The following PCDH9 variants were observed in gnomAD, a reference collection of about 807,000 sequenced individuals.
The protein encoded by PCDH9 is protocadherin 9.
PCDH9 carries 24 observed loss-of-function variants against 70.6 expected under a neutral mutation model. The ratio of observed to expected loss-of-function variants is 0.34; its 90% CI spans 0.25 to 0.48. The LOEUF (loss-of-function observed/expected upper bound fraction) is 0.48, where lower values mean the gene tolerates loss of function less well. Among genes scored for constraint, PCDH9 ranks in the 20% least tolerant of loss-of-function variants. The pLI, the probability that PCDH9 is intolerant of heterozygous loss-of-function variation, is 0.99. For missense variants in PCDH9, 1,281 were observed against 1,503.6 expected, an observed-to-expected ratio of 0.85 and a Z score of 2.45; for synonymous variants, 562 against 558.5, an observed-to-expected ratio of 1.01 and a Z score of -0.09.
At chr13:66,555,926 TAA>T (rs1224616438) in intron 4 of PCDH9, among the ~76,000 whole-genome samples, 1 of 148,184 alleles carries the variant, frequency 6.7e-6, no homozygotes, top group Non-Finnish European at 1.5e-5. Context: ...ATTATATACA[TAA>T]GATATATACA....
At chr13:67,041,199 C>T (rs772715788) in intron 2 of PCDH9, among the ~76,000 whole-genome samples, 1 of 152,050 alleles carries the variant, frequency 6.6e-6, no homozygotes, top group Non-Finnish European at 1.5e-5. Context: ...TGATTTGCAT[C>T]CCAGGAGAGA....
intron 2 of PCDH9, among the ~76,000 whole-genome samples, chr13:67,002,334 TA>T (rs1343664496): frequency 6.6e-6 from 1 of 152,058 alleles, no homozygotes; most frequent in Non-Finnish European, 1.5e-5. Flanking sequence ...AACTCAAATT[TA>T]AAAATGGATA....
chr13:67,135,575 C>T (rs1420038598), intron 2 of PCDH9, among the ~76,000 whole-genome samples: 3 of 151,924 alleles, frequency 2.0e-5, no homozygotes, highest in Admixed American at 6.6e-5. Flanking sequence ...GGTAATTTCA[C>T]GGTAAGAACA....
intron 4 of PCDH9, among the ~76,000 whole-genome samples, chr13:66,451,316 A>G (rs1958204090): frequency 2.0e-5 from 3 of 152,178 alleles, no homozygotes; most frequent in East Asian, 1.9e-4. Flanking sequence ...TTAGAGAATT[A>G]CCTCTACAGA....
At chr13:66,886,416 T>G (rs2082005500) in intron 3 of PCDH9, among the ~76,000 whole-genome samples, 1 of 152,138 alleles carries the variant, frequency 6.6e-6, no homozygotes, top group African/African-American at 2.4e-5. Flanking sequence ...TGTTCCTCAG[T>G]GTCTGCAGCT....
At chr13:66,760,528 G>A (rs947054110) in intron 3 of PCDH9, among the ~76,000 whole-genome samples, 11 of 152,010 alleles carry the variant, frequency 7.2e-5, no homozygotes, top group Admixed American at 1.3e-4. Flanking sequence ...CGTCATCTTC[G>A]TAAGCTGAGG....
At position 67,110,618 on chromosome 13, in the gene PCDH9, A is replaced by G. The variant is rs141794254; in HGVS notation, c.3036+114787T>C. On this transcript the variant is annotated intron_variant, in intron 2 of 4. Coordinates refer to ENST00000377865, the MANE Select transcript of PCDH9 (RefSeq NM_203487.3). ...TCTTAATGGTGGATGATTATCAAAG[A>G]CTTCCTATGCTCCAAGCATTATACA... 3.9e-5 allele frequency among the ~76,000 whole-genome samples: 6 copies of G among 152,184 alleles called. No homozygotes were observed. The East Asian group carries it at 1.2e-3, about 29-fold the overall frequency.
intron 2 of PCDH9, among the ~76,000 whole-genome samples, chr13:67,026,953 T>C (rs1447054545): frequency 1.3e-5 from 2 of 152,102 alleles, no homozygotes; most frequent in African/African-American, 2.4e-5. Flanking sequence ...CGCTCATGGG[T>C]AGGAAGAATC....
At chr13:67,193,219 T>C (rs1327197417) in intron 2 of PCDH9, among the ~76,000 whole-genome samples, 3 of 152,000 alleles carry the variant, frequency 2.0e-5, no homozygotes, top group African/African-American at 7.2e-5. Context: ...TCTGAAAAAT[T>C]AAGTAAATCC....
At chr13:66,723,284 C>A (rs2078965707) in intron 3 of PCDH9, among the ~76,000 whole-genome samples, 1 of 152,046 alleles carries the variant, frequency 6.6e-6, no homozygotes, top group South Asian at 2.1e-4. Flanking sequence ...AGTTAACAGG[C>A]CCCTCCAGAT....
intron 4 of PCDH9, among the ~76,000 whole-genome samples, chr13:66,522,905 T>C (rs1960061305): frequency 6.6e-6 from 1 of 152,106 alleles, no homozygotes; most frequent in African/African-American, 2.4e-5. Context: ...TATGGTAATA[T>C]GCTACAGTCA....
At chr13:66,348,721 T>G (rs1161453930) in intron 4 of PCDH9, among the ~76,000 whole-genome samples, 1 of 146,340 alleles carries the variant, frequency 6.8e-6, no homozygotes, top group Non-Finnish European at 1.5e-5. Context: ...TAATGGTTAA[T>G]AGCTTAACAC....
intron 2 of PCDH9, among the ~76,000 whole-genome samples, chr13:67,172,592 T>C (rs1298874264): frequency 6.6e-6 from 1 of 151,822 alleles, no homozygotes; most frequent in African/African-American, 2.4e-5. Flanking sequence ...GAATGGATGG[T>C]TTTGGCCGGG....
chr13:66,914,630 C>T (rs1158731464), intron 2 of PCDH9: 1 of 151,816 alleles, frequency 6.6e-6, no homozygotes, highest in Non-Finnish European at 1.5e-5. Context: ...ATTGTATACT[C>T]TCCTCAAAAA....
intron 2 of PCDH9, among the ~76,000 whole-genome samples, chr13:67,131,381 C>T (rs2087108103): frequency 6.6e-6 from 1 of 151,982 alleles, no homozygotes; most frequent in Non-Finnish European, 1.5e-5. Context: ...TTTCTTGCTC[C>T]AGAAAAAGAA....
chr13:66,762,049 A>G (rs2079637491), intron 3 of PCDH9, among the ~76,000 whole-genome samples: 1 of 151,994 alleles, frequency 6.6e-6, no homozygotes, highest in East Asian at 1.9e-4. Flanking sequence ...GCTTGTCCAG[A>G]GATTCTGGGC....
intron 4 of PCDH9, among the ~76,000 whole-genome samples, chr13:66,382,206 A>G (rs540847805): frequency 6.6e-6 from 1 of 152,350 alleles, no homozygotes; most frequent in East Asian, 1.9e-4. Flanking sequence ...TTCTAAATTC[A>G]TCATGAAAAC....
intron 4 of PCDH9, among the ~76,000 whole-genome samples, chr13:66,469,143 T>C (rs1283705057): frequency 1.3e-5 from 2 of 152,146 alleles, no homozygotes; most frequent in African/African-American, 2.4e-5. Context: ...ACTGTATCCA[T>C]TGTATTTAAA....
At chr13:66,530,289 A>T (rs1021950462) in intron 4 of PCDH9, among the ~76,000 whole-genome samples, 2 of 152,112 alleles carry the variant, frequency 1.3e-5, no homozygotes, top group African/African-American at 4.8e-5. Context: ...CCAACTTTTC[A>T]GACTTCATTA....
Sources: gnomAD v4.1 joint callset for allele counts (sites outside exome capture counted in the v4.1 genomes callset) on GRCh38, gnomAD v4.1.1 for gene constraint, MANE v1.5 for transcripts, NCBI Gene and HGNC (gene_info 2026-07-23, HGNC 2026-07-21) for gene names.